ADD2: variants seen among roughly 807,000 people sequenced by gnomAD.
The protein encoded by ADD2 is beta-adducin.
A neutral mutation model predicts 83.0 loss-of-function variants in ADD2; 23 were observed. The observed-to-expected ratio is 0.28, with a 90% CI of 0.20 to 0.39. The LOEUF (loss-of-function observed/expected upper bound fraction) is 0.39. Among genes scored for constraint, ADD2 ranks in the 10% least tolerant of loss-of-function variants. The pLI is 1.00. For missense variants in ADD2, 758 were observed against 944.9 expected (o/e 0.80, Z 2.59); for synonymous variants, 375 against 375.4 (o/e 1.00, Z 0.01).
chr2:70,675,487 G>C, intron 13 of ADD2: 19 of 985,406 alleles, frequency 1.9e-5, no homozygotes, highest in Non-Finnish European at 2.3e-5. Flanking sequence ...TGGTTCTAGG[G>C]AGCTGACCAG....
chr2:70,740,976 A>G (rs1166445564), intron 1 of ADD2, among the ~76,000 whole-genome samples: 3 of 152,250 alleles, frequency 2.0e-5, no homozygotes, highest in Non-Finnish European at 4.4e-5. Flanking sequence ...CTGGGATTAT[A>G]GGCATGAGCC....
chr2:70,677,138 G>A (rs1209905621), intron 12 of ADD2, among the ~76,000 whole-genome samples: 8 of 152,106 alleles, frequency 5.3e-5, no homozygotes, highest in African/African-American at 1.9e-4. Context: ...AGTAAAATGA[G>A]GCATAGTTGA....
chr2:70,728,847 C>A (rs1558564318), intron 1 of ADD2, among the ~76,000 whole-genome samples: 1 of 152,196 alleles, frequency 6.6e-6, no homozygotes, highest in Non-Finnish European at 1.5e-5. Flanking sequence ...GTCTTCCTCC[C>A]ACATAGGCAA....
intron 1 of ADD2, among the ~76,000 whole-genome samples, chr2:70,755,069 A>C (rs1425749676): frequency 6.6e-6 from 1 of 152,156 alleles, no homozygotes; most frequent in Non-Finnish European, 1.5e-5. Context: ...CCCTGCCTGC[A>C]TCTGGGCCAT....
chr2:70,677,918 G>T, intron 11 of ADD2, 41 bp from the exon 12 acceptor site: 1 of 1,612,672 alleles, frequency 6.2e-7, no homozygotes, highest in Non-Finnish European at 8.5e-7. Context: ...TGAGGGAACA[G>T]GCCCATGAGT....
chr2:70,744,413 C>T (rs1553381612), intron 1 of ADD2, among the ~76,000 whole-genome samples: 1 of 152,162 alleles, frequency 6.6e-6, no homozygotes, highest in African/African-American at 2.4e-5. Flanking sequence ...GTTTGTATAG[C>T]TGTATGTGTG....
chr2:70,753,561 C>G (rs1056327390), intron 1 of ADD2, among the ~76,000 whole-genome samples: 10 of 151,982 alleles, frequency 6.6e-5, no homozygotes, highest in African/African-American at 2.4e-4. Context: ...GGCCACTCAA[C>G]CCAGAGCAGC....
chr2:70,754,166 A>G (rs1224857291), intron 1 of ADD2, among the ~76,000 whole-genome samples: 2 of 152,202 alleles, frequency 1.3e-5, no homozygotes, highest in African/African-American at 4.8e-5. Context: ...GCTTTGGTAA[A>G]CAACACCAAG....
chr2:70,663,680 G>T lies in ADD2; in HGVS notation c.1926C>A (p.Thr642=), dbSNP rs782792464. 3.7e-6 allele frequency: 6 copies of T among 1,614,080 alleles called. No homozygotes were observed. In the Admixed American group the frequency reaches 1.0e-4, roughly 27 times the overall value. ...CGTTGACCACCACCCCTTCCGGCTG[G>T]GTTGTTTCGGGCTCTGTGGTGGCGG... The part of the protein sequence containing the change: ...SKAATTEPET[T]QPEGVVVNGR... The change falls in exon 16 of 16, where the codon ACC becomes ACA. Residue 642 remains threonine (T), a synonymous_variant. Transcript: ENST00000264436.
At chr2:70,720,067 C>A (rs1351963114) in intron 1 of ADD2, among the ~76,000 whole-genome samples, 39 of 152,168 alleles carry the variant, frequency 2.6e-4, no homozygotes, top group Admixed American at 2.5e-3. Context: ...GCTCATTTGG[C>A]AAATTAAGGT....
chr2:70,729,044 C>T (rs782610206), intron 1 of ADD2, among the ~76,000 whole-genome samples: 1 of 152,202 alleles, frequency 6.6e-6, no homozygotes, highest in Admixed American at 6.5e-5. Flanking sequence ...CTGGCCTGGG[C>T]CTTCACTGGC....
chr2:70,732,984 C>T (rs1673359202), intron 1 of ADD2, among the ~76,000 whole-genome samples: 1 of 152,144 alleles, frequency 6.6e-6, no homozygotes, highest in South Asian at 2.1e-4. Context: ...ATCTGCCTTC[C>T]CCTGCTAATT....
intron 1 of ADD2, among the ~76,000 whole-genome samples, chr2:70,756,491 A>T (rs1553383873): frequency 6.6e-6 from 1 of 152,256 alleles, no homozygotes; most frequent in Non-Finnish European, 1.5e-5. Flanking sequence ...GCAGTAAGCA[A>T]TATCAACTCA....
chr2:70,706,623 T>G lies in ADD2; in HGVS notation c.-34-181A>C, dbSNP rs1671921346. 6.6e-6 allele frequency among the ~76,000 whole-genome samples: 1 copy of G among 152,176 alleles called. No homozygotes were observed. ...AGCAGCGGCCCCATATACCCATCTA[T>G]AGGGGCGCTGCTGTGCCATGAGACT... On this transcript the variant is annotated intron_variant, in intron 2 of 15. Transcript: ENST00000264436. The surrounding 1 kb of genome is among the most constrained non-coding windows in gnomAD (Gnocchi z 5.0).
Position 70,675,925 on chromosome 2 carries a change from T to C in ADD2, c.1593+871A>G, listed in dbSNP as rs1670114464. ...GCCAGAACATGGCTATTTCTATACT[T>C]GACCCTGCGGGATATTCAGTGTTCC... On this transcript the variant is annotated intron_variant, in intron 13 of 15. Coordinates refer to ENST00000264436, the MANE Select transcript of ADD2 (RefSeq NM_001617.4). The C allele has an allele frequency of 7.1e-6, 7 of 985,324 alleles. No homozygotes were observed. The South Asian group carries it at 3.3e-4, about 46-fold the overall frequency. 61.0% of individuals were successfully genotyped at this position (985,324 alleles called of 1,614,324 possible).
chr2:70,745,172 A>G (rs1574315327), intron 1 of ADD2, among the ~76,000 whole-genome samples: 1 of 152,088 alleles, frequency 6.6e-6, no homozygotes, highest in East Asian at 1.9e-4. Context: ...TGTAGTCCCA[A>G]CTACTCGGGA....
intron 1 of ADD2, among the ~76,000 whole-genome samples, chr2:70,730,557 A>C (rs115513906): frequency 6.6e-6 from 1 of 152,182 alleles, no homozygotes; most frequent in Admixed American, 6.5e-5. Context: ...CTCTGCCCCA[A>C]ATCTTACCAG....
intron 2 of ADD2, among the ~76,000 whole-genome samples, chr2:70,708,592 A>T (rs1258718068): frequency 2.0e-5 from 3 of 152,184 alleles, no homozygotes; most frequent in Admixed American, 2.0e-4. Flanking sequence ...TCTGACTCTC[A>T]CATCACAGGC....
At chr2:70,722,116 G>A (rs929066309) in intron 1 of ADD2, among the ~76,000 whole-genome samples, 4 of 152,230 alleles carry the variant, frequency 2.6e-5, no homozygotes, top group African/African-American at 9.6e-5. Context: ...GGCATGGGAG[G>A]TGAGTCACAC....
Sources: allele counts gnomAD v4.1 joint callset (sites outside exome capture counted in the v4.1 genomes callset), GRCh38; gene constraint gnomAD v4.1.1; non-coding constraint Gnocchi (gnomAD v3.1); transcripts MANE v1.5; gene names NCBI Gene and HGNC (gene_info 2026-07-23, HGNC 2026-07-21).